Variants in COG5 observed in about 807,000 individuals in gnomAD.
COG5 encodes the protein conserved oligomeric Golgi complex subunit 5.
A neutral mutation model predicts 110.4 loss-of-function variants in COG5; 86 were observed. The observed-to-expected ratio is 0.78, with a 90% CI of 0.65 to 0.93. The LOEUF (loss-of-function observed/expected upper bound fraction) is 0.93, where lower values mean the gene tolerates loss of function less well. Among genes scored for constraint, COG5 ranks in the 40% least tolerant of loss-of-function variants. The pLI, the probability that COG5 is intolerant of heterozygous loss-of-function variation, is 0.00. For missense variants in COG5, 1,077 were observed against 987.0 expected (o/e 1.09, Z -1.22); for synonymous variants, 360 against 334.6 (o/e 1.08, Z -0.83).
At chr7:107,249,802 G>T (rs1191369255) in intron 16 of COG5, among the ~76,000 whole-genome samples, 2 of 151,074 alleles carry the variant, frequency 1.3e-5, no homozygotes, top group Non-Finnish European at 2.9e-5. Flanking sequence ...AAAACGTTAT[G>T]CATGTTGAGT....
chr7:107,241,312 AGC>A, intron 17 of COG5, among the ~76,000 whole-genome samples: 1 of 151,980 alleles, frequency 6.6e-6, no homozygotes, highest in South Asian at 2.1e-4. Flanking sequence ...ATTGGTAATC[AGC>A]AGTTATATAA....
At chr7:107,407,868 T>C (rs919094279) in intron 7 of COG5, among the ~76,000 whole-genome samples, 2 of 152,056 alleles carry the variant, frequency 1.3e-5, no homozygotes, top group African/African-American at 4.8e-5. Flanking sequence ...TAAGTGTCAT[T>C]TGGGGATGTA....
chr7:107,278,925 A>G (rs537423876), intron 14 of COG5, among the ~76,000 whole-genome samples: 1 of 152,366 alleles, frequency 6.6e-6, no homozygotes, highest in Non-Finnish European at 1.5e-5. Context: ...ACAAAAGCCA[A>G]AATTGACAAA....
Position 107,546,968 on chromosome 7 carries a change from A to G in COG5, c.417+1143T>C, listed in dbSNP as rs1039395858. ...TACATTTAAAGAAAAACTAATACCA[A>G]TCCTTCTAAAACTCTCCCCAAAAAA... On this transcript the variant is annotated intron_variant, in intron 5 of 21. Coordinates refer to ENST00000297135, the MANE Select transcript of COG5 (RefSeq NM_006348.5). Among the ~76,000 whole-genome samples, 8 of 152,230 alleles carry G rather than the reference A, an allele frequency of 5.3e-5. No individual in the cohort carries two copies. In the East Asian group the frequency reaches 1.5e-3, roughly 29 times the overall value.
intron 6 of COG5, among the ~76,000 whole-genome samples, chr7:107,461,818 C>G (rs116260648): frequency 6.6e-6 from 1 of 152,052 alleles, no homozygotes; most frequent in South Asian, 2.1e-4. Flanking sequence ...TCTAGCACTA[C>G]CCAACTTGAC....
At chr7:107,254,792 T>A (rs747193893) in intron 16 of COG5, among the ~76,000 whole-genome samples, 2 of 152,192 alleles carry the variant, frequency 1.3e-5, no homozygotes, top group Admixed American at 1.3e-4. Flanking sequence ...ACTCTCCAAG[T>A]GATTTTTATC....
At chr7:107,443,832 T>C (rs1003479501) in intron 6 of COG5, among the ~76,000 whole-genome samples, 21 of 152,302 alleles carry the variant, frequency 1.4e-4, no homozygotes, top group Non-Finnish European at 2.5e-4. Context: ...TACAGCCAAA[T>C]TGATATTATA....
rs1335405935 is a variant in COG5 at position 107,563,792 on chromosome 7, C to A, written c.94+11G>T. On this transcript the variant is annotated intron_variant, in intron 1 of 21. Coordinates refer to ENST00000297135, the MANE Select transcript of COG5 (RefSeq NM_006348.5). ...CCAACCCCACGACCTGGTCAGACCC[C>A]GTCTCCTTACCGTCCTGCAGAAGTT... is the stretch of plus-strand genomic sequence containing the variant. 2 of 1,613,720 alleles carry A rather than the reference C, an allele frequency of 1.2e-6. No individual in the cohort carries two copies. The highest frequency in any genetic ancestry group is 1.7e-6 in the Non-Finnish European group (2 of 1,179,846).
At chr7:107,534,369 G>A (rs543081016) in intron 5 of COG5, among the ~76,000 whole-genome samples, 5 of 151,476 alleles carry the variant, frequency 3.3e-5, no homozygotes, top group African/African-American at 9.8e-5. Context: ...GGCACAGACT[G>A]GCAAATTGGA....
intron 6 of COG5, among the ~76,000 whole-genome samples, chr7:107,450,750 C>T (rs925730671): frequency 4.6e-5 from 7 of 152,322 alleles, no homozygotes; most frequent in African/African-American, 1.7e-4. Context: ...ATAAACACTA[C>T]TGCCAGTCTT....
intron 5 of COG5, among the ~76,000 whole-genome samples, chr7:107,537,836 G>A (rs1220451505): frequency 6.6e-6 from 1 of 151,970 alleles, no homozygotes; most frequent in Non-Finnish European, 1.5e-5. Flanking sequence ...CACAGAAGAT[G>A]CTCAATATCA....
chr7:107,390,159 C>A (rs1790513793), intron 7 of COG5, among the ~76,000 whole-genome samples: 1 of 152,172 alleles, frequency 6.6e-6, no homozygotes, highest in South Asian at 2.1e-4. Flanking sequence ...GATTCCTCTG[C>A]CCTTGCCACC....
At chr7:107,453,360 C>T (rs1414353289) in intron 6 of COG5, among the ~76,000 whole-genome samples, 2 of 152,076 alleles carry the variant, frequency 1.3e-5, no homozygotes, top group African/African-American at 4.8e-5. Context: ...TAATGAGAAT[C>T]TGAGGAATAT....
At chr7:107,237,598 C>T (rs1341200142) in intron 17 of COG5, among the ~76,000 whole-genome samples, 1 of 152,194 alleles carries the variant, frequency 6.6e-6, no homozygotes, top group Non-Finnish European at 1.5e-5. Context: ...TCTTCAAATA[C>T]AGCAGTGGTT....
intron 13 of COG5, among the ~76,000 whole-genome samples, chr7:107,283,286 A>C (rs1191765700): frequency 6.6e-6 from 1 of 152,156 alleles, no homozygotes; most frequent in Admixed American, 6.5e-5. Context: ...TAACGTAAGA[A>C]ATTTACTATG....
At chr7:107,355,604 T>G (rs191846594) in intron 10 of COG5, among the ~76,000 whole-genome samples, 1 of 152,180 alleles carries the variant, frequency 6.6e-6, no homozygotes, top group Non-Finnish European at 1.5e-5. Context: ...AGAAGAAAAC[T>G]ACCAAACCAA....
At position 107,230,632 on chromosome 7, in the gene COG5, C is replaced by A; in HGVS notation, c.2151G>T (p.Arg717=). 6.2e-7 allele frequency: 1 copy of A among 1,612,844 alleles called. No homozygotes were observed. The highest frequency in any genetic ancestry group is 8.5e-7 in the Non-Finnish European group (1 of 1,178,890). Residue 717 remains arginine (R), a synonymous_variant, in exon 19 of 22, where the codon CGG becomes CGT. Transcript: ENST00000297135. ...GGTCTTACCTGAATGATCTCAGCAT[C>A]CGATAGGACTTTCCTAAATCAGATA... The part of the protein sequence containing the change: ...RRVSDLGKSY[R]MLRSFRPLLF...
At chr7:107,290,439 AT>A (rs1354474741) in intron 12 of COG5, among the ~76,000 whole-genome samples, 5 of 152,170 alleles carry the variant, frequency 3.3e-5, no homozygotes, top group Admixed American at 3.3e-4. Context: ...GTCGATACAT[AT>A]TATTTTATAT....
At chr7:107,325,399 C>T (rs1809676410) in intron 10 of COG5, among the ~76,000 whole-genome samples, 1 of 152,144 alleles carries the variant, frequency 6.6e-6, no homozygotes, top group Non-Finnish European at 1.5e-5. Flanking sequence ...AACTGTAATC[C>T]CAGCACTTTG....
Sources: gnomAD v4.1 joint callset for allele counts (sites outside exome capture counted in the v4.1 genomes callset) on GRCh38, gnomAD v4.1.1 for gene constraint, MANE v1.5 for transcripts, NCBI Gene and HGNC (gene_info 2026-07-23, HGNC 2026-07-21) for gene names.